MGLL: variants seen among roughly 807,000 people sequenced by gnomAD.
MGLL encodes monoglyceride lipase, also known as lysophospholipase homolog.
A neutral mutation model predicts 29.1 loss-of-function variants in MGLL; 7 were observed. That is an observed-to-expected ratio of 0.24 (90% CI 0.14 to 0.45). The LOEUF (loss-of-function observed/expected upper bound fraction) is 0.45. MGLL is among the 20% of genes least tolerant of loss of function. The pLI is 0.99. For synonymous variants in MGLL, 148 were observed against 168.3 expected (o/e 0.88, Z 0.93); for missense variants, 356 against 413.6 (o/e 0.86, Z 1.21).
chr3:127,781,551 C>T (rs1017860632), intron 3 of MGLL, among the ~76,000 whole-genome samples: 24 of 152,354 alleles, frequency 1.6e-4, no homozygotes, highest in Middle Eastern at 3.4e-3. Context: ...CTGAGATGAA[C>T]ATATCCGACT....
intron 5 of MGLL, among the ~76,000 whole-genome samples, chr3:127,718,789 T>G (rs2075864407): frequency 6.6e-6 from 1 of 152,210 alleles, no homozygotes; most frequent in African/African-American, 2.4e-5. Context: ...TGCATCCTCC[T>G]TCATATCTTT....
intron 7 of MGLL, among the ~76,000 whole-genome samples, chr3:127,693,363 C>T (rs2075284326): frequency 6.6e-6 from 1 of 152,218 alleles, no homozygotes; most frequent in Non-Finnish European, 1.5e-5. Flanking sequence ...ATGAAAATCA[C>T]AGCACGTCAC....
intron 7 of MGLL, among the ~76,000 whole-genome samples, chr3:127,693,780 G>C (rs1444512638): frequency 6.6e-6 from 1 of 152,192 alleles, no homozygotes; most frequent in Non-Finnish European, 1.5e-5. Flanking sequence ...TGCCTGTCTT[G>C]TTCTCTGGGC....
intron 6 of MGLL, among the ~76,000 whole-genome samples, chr3:127,710,343 A>C (rs944150741): frequency 1.3e-5 from 2 of 152,160 alleles, no homozygotes; most frequent in African/African-American, 4.8e-5. Context: ...CACACACTCA[A>C]CTTCCACTGT....
intron 2 of MGLL, among the ~76,000 whole-genome samples, chr3:127,798,339 G>A (rs1477533200): frequency 1.3e-5 from 2 of 152,160 alleles, no homozygotes; most frequent in South Asian, 2.1e-4. Context: ...CAGGCAGCAC[G>A]TCTCTCTGAG....
intron 3 of MGLL, among the ~76,000 whole-genome samples, chr3:127,733,750 C>T (rs1383406226): frequency 1.3e-5 from 2 of 152,228 alleles, no homozygotes; most frequent in African/African-American, 2.4e-5. Context: ...TTGTCAAAAG[C>T]TTCATCCACC....
chr3:127,811,638 C>T (rs978085625), intron 2 of MGLL, among the ~76,000 whole-genome samples: 1 of 152,250 alleles, frequency 6.6e-6, no homozygotes, highest in African/African-American at 2.4e-5. Flanking sequence ...GGGACATTCA[C>T]AAACATGATA....
intron 6 of MGLL, among the ~76,000 whole-genome samples, chr3:127,698,762 G>A (rs754106591): frequency 5.9e-5 from 9 of 152,162 alleles, no homozygotes; most frequent in Non-Finnish European, 1.0e-4. Context: ...ACATGGAATC[G>A]CTCTGTATTA....
rs539482365 is a variant in MGLL, at chr3:127,734,431, T to G, written c.263-11865A>C. ...CAGGGGTCTGCAGTGCGCCCGTGCCTTCATTTACCCTAACTCTGAGCCCAC... is the reference window on the plus strand; with the variant it reads ...CAGGGGTCTGCAGTGCGCCCGTGCCGTCATTTACCCTAACTCTGAGCCCAC... On this transcript the variant is annotated intron_variant, in intron 3 of 7. Coordinates refer to ENST00000265052, the MANE Select transcript of MGLL (RefSeq NM_007283.7). 2.0e-5 allele frequency among the ~76,000 whole-genome samples: 3 copies of G among 152,218 alleles called. No homozygotes were observed. The East Asian group carries it at 5.8e-4, about 29-fold the overall frequency.
chr3:127,725,650 A>G (rs2076017020), intron 3 of MGLL, among the ~76,000 whole-genome samples: 1 of 152,196 alleles, frequency 6.6e-6, no homozygotes, highest in South Asian at 2.1e-4. Context: ...TCAAATGCAC[A>G]AAAACACTGA....
At chr3:127,745,629 C>CA (rs1486293081) in intron 3 of MGLL, among the ~76,000 whole-genome samples, 2 of 152,150 alleles carry the variant, frequency 1.3e-5, no homozygotes, top group Non-Finnish European at 1.5e-5. Flanking sequence ...TCCCAGACTT[C>CA]ACCACCACGC....
At chr3:127,750,061 G>A (rs1364747255) in intron 3 of MGLL, among the ~76,000 whole-genome samples, 1 of 152,166 alleles carries the variant, frequency 6.6e-6, no homozygotes, top group African/African-American at 2.4e-5. Flanking sequence ...TTTACCCCGA[G>A]GGAGGTGGGA....
At chr3:127,753,701 C>G (rs751776686) in intron 3 of MGLL, among the ~76,000 whole-genome samples, 1 of 152,160 alleles carries the variant, frequency 6.6e-6, no homozygotes, top group African/African-American at 2.4e-5. Context: ...CTAATAAGGT[C>G]GGCATATAGT....
chr3:127,736,522 G>A (rs1043030326), intron 3 of MGLL, among the ~76,000 whole-genome samples: 32 of 152,186 alleles, frequency 2.1e-4, no homozygotes, highest in Admixed American at 7.9e-4. Context: ...GAGGGGAAGG[G>A]CTCCTTTCAC....
At chr3:127,776,451 C>G (rs1372353648) in intron 3 of MGLL, among the ~76,000 whole-genome samples, 2 of 152,172 alleles carry the variant, frequency 1.3e-5, no homozygotes, top group Non-Finnish European at 2.9e-5. Context: ...AGAACCATGG[C>G]TCTCAACGAT....
intron 2 of MGLL, among the ~76,000 whole-genome samples, chr3:127,786,592 T>G: frequency 6.6e-6 from 1 of 152,136 alleles, no homozygotes; most frequent in Non-Finnish European, 1.5e-5. Flanking sequence ...GCCCTCGAGA[T>G]GAACAAGCCG....
At chr3:127,769,668 T>G (rs1248847991) in intron 3 of MGLL, among the ~76,000 whole-genome samples, 2 of 152,214 alleles carry the variant, frequency 1.3e-5, no homozygotes, top group Admixed American at 1.3e-4. Context: ...CTGAACATAT[T>G]TAAGTAGCAA....
chr3:127,768,090 T>C lies in MGLL; in HGVS notation c.262+13699A>G, dbSNP rs188829843. 3.8e-4 allele frequency among the ~76,000 whole-genome samples: 58 copies of C among 152,292 alleles called. 1 individual carries two copies. Among genetic ancestry groups the C allele is most frequent in the African/African-American group, 9.1e-4 (38 of 41,556 alleles). ...CCACAAACTCCTTGAAAAACACTAC[T>C]AAAGCTGACACAAAAAGAAAAAGAA... On this transcript the variant is annotated intron_variant, in intron 3 of 7. Transcript: ENST00000265052.
At chr3:127,756,345 C>G (rs2076663587) in intron 3 of MGLL, among the ~76,000 whole-genome samples, 1 of 152,200 alleles carries the variant, frequency 6.6e-6, no homozygotes, top group Non-Finnish European at 1.5e-5. Context: ...GGAAGCACAT[C>G]TTTCCTATGC....
Sources: gnomAD v4.1 joint callset for allele counts (sites outside exome capture counted in the v4.1 genomes callset) on GRCh38, gnomAD v4.1.1 for gene constraint, MANE v1.5 for transcripts, NCBI Gene and HGNC (gene_info 2026-07-23, HGNC 2026-07-21) for gene names.